LRRC4C: variants seen among roughly 807,000 people sequenced by gnomAD.
LRRC4C encodes the protein leucine rich repeat containing 4C, also known as leucine-rich repeat-containing protein 4C.
LRRC4C carries 5 observed loss-of-function variants against 33.6 expected under a neutral mutation model. The ratio of observed to expected loss-of-function variants is 0.15; its 90% confidence interval spans 0.08 to 0.31. The LOEUF (loss-of-function observed/expected upper bound fraction) is 0.31. Among genes scored for constraint, LRRC4C ranks in the 10% least tolerant of loss-of-function variants. The pLI, the probability that LRRC4C is intolerant of heterozygous loss-of-function variation, is 1.00. For missense variants in LRRC4C, 560 were observed against 796.7 expected (o/e 0.70, Z 3.58); for synonymous variants, 329 against 302.0 (o/e 1.09, Z -0.93).
At chr11:40,544,623 G>A (rs895944710) in intron 3 of LRRC4C, among the ~76,000 whole-genome samples, 1 of 152,006 alleles carries the variant, frequency 6.6e-6, no homozygotes, top group Non-Finnish European at 1.5e-5. Context: ...TACCAAATTA[G>A]GGATGTAGAT....
rs78681733 is a variant in LRRC4C, at chr11:40,689,341, C to G, written c.-406-41063G>C. On this transcript the variant is annotated intron_variant, in intron 2 of 6. Coordinates refer to ENST00000528697, the MANE Select transcript of LRRC4C (RefSeq NM_001258419.2). ...ATAAGAATTGCATTACTCTGAGCCT[C>G]TTTCCTCTTTGTCTTCTTCATGAAA... Among the ~76,000 whole-genome samples, 288 of 151,738 alleles carry G rather than the reference C, an allele frequency of 1.9e-3. 2 individuals are homozygous for G. The highest frequency in any genetic ancestry group is 6.6e-3 in the African/African-American group (271 of 41,176).
intron 2 of LRRC4C, among the ~76,000 whole-genome samples, chr11:40,828,325 TAC>T (rs1952255125): frequency 6.6e-6 from 1 of 151,814 alleles, no homozygotes; most frequent in Non-Finnish European, 1.5e-5. Flanking sequence ...TAAGTAAATT[TAC>T]ATTAGAATTA....
At chr11:40,188,466 G>A (rs541848599) in intron 5 of LRRC4C, among the ~76,000 whole-genome samples, 1 of 152,262 alleles carries the variant, frequency 6.6e-6, no homozygotes, top group South Asian at 2.1e-4. Context: ...AATGCAAACT[G>A]TTATTATTGA....
intron 1 of LRRC4C, among the ~76,000 whole-genome samples, chr11:41,389,688 A>T (rs1186386433): frequency 6.7e-6 from 1 of 149,412 alleles, no homozygotes; most frequent in Non-Finnish European, 1.5e-5. Context: ...AGGTGCTTCT[A>T]CTTGCATATA....
intron 4 of LRRC4C, among the ~76,000 whole-genome samples, chr11:40,277,058 C>G (rs1219160525): frequency 6.6e-6 from 1 of 151,996 alleles, no homozygotes; most frequent in Non-Finnish European, 1.5e-5. Flanking sequence ...GTCCAATTTC[C>G]TGTTCTATAT....
chr11:40,821,616 T>G (rs1290333030), intron 2 of LRRC4C, among the ~76,000 whole-genome samples: 7 of 151,512 alleles, frequency 4.6e-5, no homozygotes, highest in African/African-American at 1.7e-4. Flanking sequence ...TTCCCTAATA[T>G]TTGTCTTTTA....
At chr11:40,684,824 G>A (rs1381486160) in intron 2 of LRRC4C, among the ~76,000 whole-genome samples, 1 of 151,798 alleles carries the variant, frequency 6.6e-6, no homozygotes, top group Non-Finnish European at 1.5e-5. Flanking sequence ...TGAAAATAAG[G>A]AGCTAAAATA....
In LRRC4C at chr11:41,099,937, C is replaced by A. The variant is rs1228715764; in HGVS notation, c.-495-166214G>T. Among the ~76,000 whole-genome samples the A allele has an allele frequency of 2.6e-5, 4 of 152,080 alleles. No homozygotes were observed. The East Asian group carries it at 7.7e-4, about 29-fold the overall frequency. ...ATGACATAATTCTGTATCTGGAAAACCCCATAGTCTGAGTGCAAAAGCTTC... is the reference window on the plus strand; with the variant it reads ...ATGACATAATTCTGTATCTGGAAAAACCCATAGTCTGAGTGCAAAAGCTTC... On this transcript the variant is annotated intron_variant, in intron 1 of 6. Coordinates refer to ENST00000528697, the MANE Select transcript of LRRC4C (RefSeq NM_001258419.2).
intron 1 of LRRC4C, among the ~76,000 whole-genome samples, chr11:41,144,321 C>T (rs890015154): frequency 1.3e-5 from 2 of 152,172 alleles, no homozygotes; most frequent in Admixed American, 1.3e-4. Flanking sequence ...GGAAAGAACA[C>T]TCCAGACTTC....
intron 3 of LRRC4C, among the ~76,000 whole-genome samples, chr11:40,419,639 C>A (rs1471929218): frequency 6.6e-6 from 1 of 152,132 alleles, no homozygotes; most frequent in African/African-American, 2.4e-5. Context: ...ACCCGCTGTA[C>A]AAGAAATGTG....
intron 2 of LRRC4C, among the ~76,000 whole-genome samples, chr11:40,770,790 T>G (rs1949720379): frequency 6.6e-6 from 1 of 152,174 alleles, no homozygotes; most frequent in African/African-American, 2.4e-5. Context: ...GGTCATTCAA[T>G]CTTAAAGTTC....
Position 40,616,354 on chromosome 11 carries a change from A to T in LRRC4C, c.-270+31788T>A, listed in dbSNP as rs187687035. Among the ~76,000 whole-genome samples, 293 of 152,140 alleles carry T rather than the reference A, an allele frequency of 1.9e-3. 3 individuals carry two copies. The highest frequency in any genetic ancestry group is 6.7e-3 in the African/African-American group (280 of 41,542). On this transcript the variant is annotated intron_variant, in intron 3 of 6. Coordinates refer to ENST00000528697, the MANE Select transcript of LRRC4C (RefSeq NM_001258419.2). ...AACCATTGTGGAAGTCAGTGTGGTGATCCCTCAGGGATCTAGAACTAGAAA... is the reference window on the plus strand; with the variant it reads ...AACCATTGTGGAAGTCAGTGTGGTGTTCCCTCAGGGATCTAGAACTAGAAA...
rs1004545994 is a variant in LRRC4C at position 40,543,902 on chromosome 11, C to T, written c.-270+104240G>A. Among the ~76,000 whole-genome samples, 3 of 151,814 alleles carry T rather than the reference C, an allele frequency of 2.0e-5. No individual in the cohort carries two copies. In the South Asian group the frequency reaches 6.2e-4, roughly 32 times the overall value. Reference sequence around the variant, plus strand: ...ATGTGAGAAGATAAATTCCTGGAAACTTTTATTTATTTGAGAGTCCTGTCT... The same window carrying T: ...ATGTGAGAAGATAAATTCCTGGAAATTTTTATTTATTTGAGAGTCCTGTCT... On this transcript the variant is annotated intron_variant, in intron 3 of 6. Coordinates refer to ENST00000528697, the MANE Select transcript of LRRC4C (RefSeq NM_001258419.2).
chr11:40,733,284 C>T (rs1341997655), intron 2 of LRRC4C, among the ~76,000 whole-genome samples: 1 of 151,804 alleles, frequency 6.6e-6, no homozygotes, highest in African/African-American at 2.4e-5. Context: ...ACCATGTTAG[C>T]CAGGATGGTC....
intron 3 of LRRC4C, among the ~76,000 whole-genome samples, chr11:40,350,635 A>G (rs1030577798): frequency 2.0e-5 from 3 of 152,016 alleles, no homozygotes; most frequent in East Asian, 1.9e-4. Flanking sequence ...GAAGAGTGCC[A>G]TTGGTATTTT....
intron 1 of LRRC4C, among the ~76,000 whole-genome samples, chr11:40,975,607 C>T (rs1057180158): frequency 1.3e-5 from 2 of 152,168 alleles, no homozygotes; most frequent in Non-Finnish European, 2.9e-5. Flanking sequence ...ATATGCTTAG[C>T]CTCTACCAAC....
At position 40,419,366 on chromosome 11, in the gene LRRC4C, T is replaced by A. The variant is rs892267113; in HGVS notation, c.-269-99645A>T. Among the ~76,000 whole-genome samples the A allele has an allele frequency of 2.6e-5, 4 of 152,106 alleles. No individual in the cohort carries two copies. The South Asian group carries it at 6.2e-4, about 24-fold the overall frequency. ...TATGCTTAGACAATCATAATCAAAT[T>A]GTTGAAATCTAAATATAAAAAATTA... On this transcript the variant is annotated intron_variant, in intron 3 of 6. Transcript: ENST00000528697.
At chr11:40,879,147 A>C (rs1382781978) in intron 2 of LRRC4C, among the ~76,000 whole-genome samples, 1 of 152,210 alleles carries the variant, frequency 6.6e-6, no homozygotes, top group Non-Finnish European at 1.5e-5. Context: ...GCTCTCTGTC[A>C]TGATCACTGG....
Position 40,149,303 on chromosome 11 carries a change from T to A in LRRC4C, c.-95-8450A>T, listed in dbSNP as rs139750847. On this transcript the variant is annotated intron_variant, in intron 5 of 6. Coordinates refer to ENST00000528697, the MANE Select transcript of LRRC4C (RefSeq NM_001258419.2). ...GTATAGCCATTTTAACAATAATGAT[T>A]CTTCCTGTTCATGAGCATGGGATGT... 3.3e-3 allele frequency among the ~76,000 whole-genome samples: 509 copies of A among 152,340 alleles called. 6 individuals carry two copies. Among genetic ancestry groups the A allele is most frequent in the African/African-American group, 0.012 (498 of 41,588 alleles).
Sources: gnomAD v4.1 joint callset for allele counts (sites outside exome capture counted in the v4.1 genomes callset) on GRCh38, gnomAD v4.1.1 for gene constraint, MANE v1.5 for transcripts, NCBI Gene and HGNC (gene_info 2026-07-23, HGNC 2026-07-21) for gene names.